The following MAML2 variants were observed in gnomAD, a reference collection of about 807,000 sequenced individuals.
MAML2 encodes the protein mastermind like transcriptional coactivator 2, also known as mastermind-like protein 2.
Under a neutral mutation model 96.1 loss-of-function variants are expected in MAML2, and 22 were observed. The ratio of observed to expected loss-of-function variants is 0.23; its 90% CI spans 0.16 to 0.33. The LOEUF (loss-of-function observed/expected upper bound fraction) is 0.33. Ranked by LOEUF, MAML2 falls within the 10% of genes least tolerant of loss-of-function variation. MAML2 has a pLI of 1.00. For synonymous variants in MAML2, 561 were observed against 521.3 expected (o/e 1.08, Z -1.04); for missense variants, 1,367 against 1,392.4 (o/e 0.98, Z 0.29).
At chr11:96,020,890 C>A (rs1283623188) in intron 2 of MAML2, among the ~76,000 whole-genome samples, 1 of 152,068 alleles carries the variant, frequency 6.6e-6, no homozygotes, top group Non-Finnish European at 1.5e-5. Flanking sequence ...CCAGACCTAG[C>A]CTTTGGTGGA....
chr11:96,246,470 G>A (rs1032091600), intron 1 of MAML2, among the ~76,000 whole-genome samples: 3 of 152,104 alleles, frequency 2.0e-5, no homozygotes, highest in Non-Finnish European at 4.4e-5. Context: ...TCTGCCTGGG[G>A]TGTCAAGGAG....
intron 1 of MAML2, among the ~76,000 whole-genome samples, chr11:96,106,172 A>G (rs1175265493): frequency 1.3e-5 from 2 of 152,230 alleles, no homozygotes; most frequent in Non-Finnish European, 2.9e-5. Context: ...TGCTCAGCTC[A>G]GTAATTATAT....
chr11:96,195,920 T>C (rs565261356), intron 1 of MAML2, among the ~76,000 whole-genome samples: 1 of 152,310 alleles, frequency 6.6e-6, no homozygotes, highest in Non-Finnish European at 1.5e-5. Flanking sequence ...TCTCCCTTAA[T>C]CCCTAAAGCA....
At chr11:96,270,301 T>G (rs1367520554) in intron 1 of MAML2, among the ~76,000 whole-genome samples, 1 of 152,200 alleles carries the variant, frequency 6.6e-6, no homozygotes, top group African/African-American at 2.4e-5. Flanking sequence ...AGCAGTCTGT[T>G]CTGAGATACC....
Position 96,333,353 on chromosome 11 carries a change from GA to G in MAML2, c.513+8029del, listed in dbSNP as rs752748249. On this transcript the variant is annotated intron_variant, in intron 1 of 4. Transcript: ENST00000524717. ...TAAGGTTAAATCATGGGGAGTAAGC[GA>G]AAAAAAAAAAAGATAAAAATTTTTG... Among the ~76,000 whole-genome samples, 392 of 138,738 alleles carry G rather than the reference GA, an allele frequency of 2.8e-3. 1 individual carries two copies. Among genetic ancestry groups the G allele is most frequent in the Middle Eastern group, 0.018 (5 of 274 alleles). 91.0% of individuals were successfully genotyped at this position (138,738 alleles called of 152,430 possible).
Position 96,180,013 on chromosome 11 carries a change from A to G in MAML2, c.514-86496T>C, listed in dbSNP as rs117098512. On this transcript the variant is annotated intron_variant, in intron 1 of 4. Transcript: ENST00000524717. ...TATAACCATAGTGGTTTCAAAATCT[A>G]TTCTCAAGGTCCATTCGAAACTAAG... Among the ~76,000 whole-genome samples, 1,314 of 152,352 alleles carry G rather than the reference A, an allele frequency of 8.6e-3. 13 individuals are homozygous for G. The highest frequency in any genetic ancestry group is 0.014 in the Non-Finnish European group (931 of 68,034).
chr11:96,171,428 TC>T (rs1161141809), intron 1 of MAML2, among the ~76,000 whole-genome samples: 1 of 152,202 alleles, frequency 6.6e-6, no homozygotes, highest in Non-Finnish European at 1.5e-5. Flanking sequence ...GGTTCATTTT[TC>T]CGACCTTCCC....
intron 1 of MAML2, among the ~76,000 whole-genome samples, chr11:96,279,225 G>A (rs1863030581): frequency 6.6e-6 from 1 of 152,200 alleles, no homozygotes; most frequent in African/African-American, 2.4e-5. Context: ...TAGAGCACAG[G>A]AGAAAGGTCT....
chr11:96,126,497 G>T (rs191874318), intron 1 of MAML2, among the ~76,000 whole-genome samples: 30 of 152,328 alleles, frequency 2.0e-4, no homozygotes, highest in African/African-American at 6.7e-4. Context: ...AGGAGGCGGA[G>T]CTTGCAGTGA....
rs185377083 is a variant in MAML2, at chr11:96,321,892, A to G, written c.513+19491T>C. Among the ~76,000 whole-genome samples, 333 of 152,346 alleles carry G rather than the reference A, an allele frequency of 2.2e-3. 1 individual carries two copies. The highest frequency in any genetic ancestry group is 7.2e-3 in the African/African-American group (299 of 41,586). ...AAACAACTAAATGCCAATTTTTTTT[A>G]AAGATCATGAACAGTTTTGAGTTAT... On this transcript the variant is annotated intron_variant, in intron 1 of 4. Coordinates refer to ENST00000524717, the MANE Select transcript of MAML2 (RefSeq NM_032427.4).
intron 2 of MAML2, among the ~76,000 whole-genome samples, chr11:96,047,910 C>CAAAAAAAA (rs71459784): frequency 1.6e-4 from 13 of 82,466 alleles, no homozygotes; most frequent in African/African-American, 2.2e-4. Context: ...GACTCTGCCT[C>CAAAAAAAA]AAAAAAAAAA....
chr11:96,173,213 G>A (rs1350301555), intron 1 of MAML2, among the ~76,000 whole-genome samples: 3 of 152,200 alleles, frequency 2.0e-5, no homozygotes, highest in Non-Finnish European at 4.4e-5. Context: ...TATCTTGGAG[G>A]AAATGTTTCA....
chr11:96,073,133 G>C lies in MAML2; in HGVS notation c.2139+18759C>G, dbSNP rs1024182487. 2.8e-4 allele frequency among the ~76,000 whole-genome samples: 43 copies of C among 152,104 alleles called. 1 individual carries two copies. Among genetic ancestry groups the C allele is most frequent in the Admixed American group, 2.8e-3 (43 of 15,274 alleles). On this transcript the variant is annotated intron_variant, in intron 2 of 4. Transcript: ENST00000524717. ...GTAGCATTAATACTGTAACAATACT[G>C]AATAATTTAACTGAAGTGTATTACA...
chr11:96,342,054 T>G lies in MAML2; in HGVS notation c.-159A>C. ...TTGTGGGGGAGCCGTGGAGAAGTTG[T>G]GGGGGAGGGGAGTTAGTAAAAAGAG... On this transcript the variant is annotated 5_prime_UTR_variant, in exon 1 of 5. Coordinates refer to ENST00000524717, the MANE Select transcript of MAML2 (RefSeq NM_032427.4). 34 of 609,056 alleles carry G rather than the reference T, an allele frequency of 5.6e-5. No homozygotes were observed. The highest frequency in any genetic ancestry group is 1.4e-4 in the South Asian group (5 of 36,762). The allele number at this position is 609,056 out of a possible 1,614,324, so 37.7% of individuals were successfully genotyped here.
intron 1 of MAML2, among the ~76,000 whole-genome samples, chr11:96,186,172 T>C (rs141106467): frequency 2.6e-5 from 4 of 152,348 alleles, no homozygotes; most frequent in African/African-American, 9.6e-5. Context: ...CAATAAAGCA[T>C]AATTAGGTTT....
intron 1 of MAML2, among the ~76,000 whole-genome samples, chr11:96,239,362 C>T (rs1371313578): frequency 6.6e-6 from 1 of 152,138 alleles, no homozygotes; most frequent in African/African-American, 2.4e-5. Flanking sequence ...GAGGCTGTAC[C>T]TGCCAATACC....
chr11:96,136,735 G>A (rs1860640020), intron 1 of MAML2, among the ~76,000 whole-genome samples: 1 of 152,142 alleles, frequency 6.6e-6, no homozygotes, highest in Non-Finnish European at 1.5e-5. Flanking sequence ...ATTTCAAAAT[G>A]CATGAAAGCC....
intron 1 of MAML2, among the ~76,000 whole-genome samples, chr11:96,178,252 G>A (rs910616981): frequency 4.6e-5 from 7 of 151,914 alleles, no homozygotes; most frequent in African/African-American, 1.2e-4. Context: ...TGTGGGCCTC[G>A]ACTCTGTGAT....
intron 2 of MAML2, among the ~76,000 whole-genome samples, chr11:96,049,476 T>C (rs1858957421): frequency 6.6e-6 from 1 of 152,200 alleles, no homozygotes; most frequent in Non-Finnish European, 1.5e-5. Context: ...ATTGGCTTAA[T>C]AGAAATAATG....
Sources: gnomAD v4.1 joint callset for allele counts (sites outside exome capture counted in the v4.1 genomes callset) on GRCh38, gnomAD v4.1.1 for gene constraint, MANE v1.5 for transcripts, NCBI Gene and HGNC (gene_info 2026-07-23, HGNC 2026-07-21) for gene names.